Variants in PRDM2 observed in about 807,000 individuals in gnomAD.
PRDM2 encodes PR/SET domain 2.
In PRDM2, 30 loss-of-function variants were observed where a neutral mutation model predicts 130.0. That is an observed-to-expected ratio of 0.23 (90% CI 0.17 to 0.31). The LOEUF (loss-of-function observed/expected upper bound fraction) is 0.31, where lower values mean the gene tolerates loss of function less well. Among genes scored for constraint, PRDM2 ranks in the 10% least tolerant of loss-of-function variants. PRDM2 has a pLI of 1.00. For synonymous variants in PRDM2, 871 were observed against 782.4 expected (o/e 1.11, Z -1.89); for missense variants, 2,011 against 2,108.4 (o/e 0.95, Z 0.90).
At chr1:13,756,781 G>A (rs1003025761) in intron 6 of PRDM2, among the ~76,000 whole-genome samples, 2 of 152,186 alleles carry the variant, frequency 1.3e-5, no homozygotes, top group East Asian at 3.8e-4. Flanking sequence ...TGGTGACAAT[G>A]ACAGCAGTTA....
chr1:13,714,561 A>G (rs747845436), intron 1 of PRDM2, among the ~76,000 whole-genome samples: 6 of 152,202 alleles, frequency 3.9e-5, no homozygotes, highest in Non-Finnish European at 7.3e-5. Flanking sequence ...GAAAAATCCA[A>G]CTACCTTATT....
chr1:13,707,950 C>A (rs562856473), intron 1 of PRDM2, among the ~76,000 whole-genome samples: 5 of 150,974 alleles, frequency 3.3e-5, no homozygotes, highest in Admixed American at 6.6e-5. Context: ...ATTGTAGGAA[C>A]CCTAAACAAA....
At chr1:13,792,761 ATGCGCCTGGAG>A (rs796141307) in intron 8 of PRDM2, among the ~76,000 whole-genome samples, 9 of 152,326 alleles carry the variant, frequency 5.9e-5, no homozygotes, top group African/African-American at 2.2e-4. Context: ...GGAGTTGAGG[ATGCGCCTGGAG>A]TGTCACTGGC....
intron 2 of PRDM2, among the ~76,000 whole-genome samples, chr1:13,724,738 C>G (rs1294617462): frequency 1.3e-5 from 2 of 152,008 alleles, no homozygotes; most frequent in African/African-American, 4.8e-5. Context: ...CGTGATCCAC[C>G]CATCTCAACC....
chr1:13,823,898 G>A lies in PRDM2; in HGVS notation c.*763G>A, dbSNP rs1227648727. On this transcript the variant is annotated 3_prime_UTR_variant, in exon 10 of 10. Transcript: ENST00000311066. ...CTTGGGAAGGGCAGGGAATGGGGACGGTGTATGGAGGGGAGGGATCTCCTG... is the reference window on the plus strand; with the variant it reads ...CTTGGGAAGGGCAGGGAATGGGGACAGTGTATGGAGGGGAGGGATCTCCTG... 1.3e-5 allele frequency: 2 copies of A among 152,256 alleles called. No individual in the cohort carries two copies. The highest frequency in any genetic ancestry group is 4.8e-5 in the African/African-American group (2 of 41,444). 9.4% of individuals were successfully genotyped at this position (152,256 alleles called of 1,614,324 possible). A position where few individuals can be genotyped will look rare whatever the true frequency, so the allele number is the denominator to read the frequency against.
chr1:13,769,426 G>A (rs954816227), intron 6 of PRDM2, among the ~76,000 whole-genome samples: 1 of 152,222 alleles, frequency 6.6e-6, no homozygotes, highest in African/African-American at 2.4e-5. Flanking sequence ...CTGTGTATGT[G>A]TGGGCAGGAC....
At chr1:13,711,648 T>A (rs577035464) in intron 1 of PRDM2, among the ~76,000 whole-genome samples, 1 of 152,214 alleles carries the variant, frequency 6.6e-6, no homozygotes, top group Non-Finnish European at 1.5e-5. Context: ...GTTTTTGATA[T>A]AGTTGAATAA....
chr1:13,822,900 C>T (rs752782117), intron 9 of PRDM2, among the ~76,000 whole-genome samples: 10 of 152,008 alleles, frequency 6.6e-5, no homozygotes, highest in East Asian at 3.9e-4. Flanking sequence ...TTCCCGAGGG[C>T]GGGAGGGTTC....
At chr1:13,735,364 T>C (rs958396298) in intron 4 of PRDM2, among the ~76,000 whole-genome samples, 1 of 152,204 alleles carries the variant, frequency 6.6e-6, no homozygotes, top group Non-Finnish European at 1.5e-5. Flanking sequence ...CGGGACTTGG[T>C]GTTTTCGTTC....
At chr1:13,722,708 TG>T (rs1202475263) in intron 2 of PRDM2, 1 of 376,062 alleles carries the variant, frequency 2.7e-6, no homozygotes, top group Admixed American at 3.1e-5. Context: ...ATTCCCATTC[TG>T]TATTAGAATC....
rs565199951 is a variant in PRDM2, at chr1:13,812,050, G to C, written c.5037-4377G>C. 4.6e-5 allele frequency among the ~76,000 whole-genome samples: 7 copies of C among 152,322 alleles called. No homozygotes were observed. In the South Asian group the frequency reaches 1.2e-3, roughly 27 times the overall value. On this transcript the variant is annotated intron_variant, in intron 8 of 9. Coordinates refer to ENST00000311066, the MANE Select transcript of PRDM2 (RefSeq NM_001393986.1). The stretch of plus-strand genomic sequence containing the variant: ...CACAGCACTCTGTGTGGGAAGGCTT[G>C]GGCCACTTTTGCACTGGGCAGTGAT...
At chr1:13,726,348 A>G (rs2100453815) in intron 2 of PRDM2, among the ~76,000 whole-genome samples, 1 of 152,350 alleles carries the variant, frequency 6.6e-6, no homozygotes, top group Admixed American at 6.5e-5. Context: ...AAAGCAGTAG[A>G]AGGGCCCTTC....
intron 5 of PRDM2, among the ~76,000 whole-genome samples, chr1:13,747,647 G>C (rs1218332212): frequency 6.6e-6 from 1 of 151,834 alleles, no homozygotes; most frequent in East Asian, 1.9e-4. Flanking sequence ...TGTAGACAGT[G>C]AGAGTTCTGC....
chr1:13,792,986 CCT>C (rs1644865168), intron 8 of PRDM2, among the ~76,000 whole-genome samples: 1 of 152,234 alleles, frequency 6.6e-6, no homozygotes, highest in African/African-American at 2.4e-5. Context: ...TTTGAAACCA[CCT>C]AATCACTGTG....
Position 13,780,735 on chromosome 1 carries a change from A to T in PRDM2, c.2940A>T (p.Leu980Phe). 1.3e-6 allele frequency: 2 copies of T among 1,533,180 alleles called. No individual in the cohort carries two copies. Among genetic ancestry groups the T allele is most frequent in the Non-Finnish European group, 1.8e-6 (2 of 1,137,948 alleles). 95.0% of individuals were successfully genotyped at this position (1,533,180 alleles called of 1,614,324 possible). ...CCCCTCCACCCTGTCCCCCGGTATT[A>T]ACTGTTGCCACTCCGCCCCCTCCCC... ...PSSPPPCPPV[L>F]TVATPPPPLL... The change falls in exon 8 of 10, where the codon TTA (leucine) becomes TTT (phenylalanine). Residue 980 changes from leucine to phenylalanine, a missense_variant. By Grantham distance (22) the Leu-to-Phe change is conservative. Around this residue, in one of 5 missense-constraint regions of PRDM2, gnomAD observed 1,288 missense variants for 1,237.7 expected, o/e 1.04. Transcript: ENST00000311066.
intron 5 of PRDM2, 113 bp downstream of exon 5, chr1:13,742,270 G>A (rs1227953170): frequency 5.8e-6 from 7 of 1,215,832 alleles, no homozygotes; most frequent in Admixed American, 2.2e-5. Context: ...GCTCCATCAC[G>A]GCTCACTGCA....
Position 13,800,797 on chromosome 1 carries a change from TG to T in PRDM2, c.5037-15622del, listed in dbSNP as rs199871230. 3.5e-3 allele frequency among the ~76,000 whole-genome samples: 527 copies of T among 151,654 alleles called. 5 individuals carry two copies. The highest frequency in any genetic ancestry group is 9.3e-3 in the African/African-American group (385 of 41,338). On this transcript the variant is annotated intron_variant, in intron 8 of 9. Coordinates refer to ENST00000311066, the MANE Select transcript of PRDM2 (RefSeq NM_001393986.1). Reference sequence around the variant, plus strand: ...GGGCCGGCTCTCACTGAAGGAGGGTTGGGGGGGGTCTCCTCTCATAAGAGCC... The same window carrying T: ...GGGCCGGCTCTCACTGAAGGAGGGTTGGGGGGGTCTCCTCTCATAAGAGCC...
chr1:13,792,569 T>C (rs982314719), intron 8 of PRDM2, among the ~76,000 whole-genome samples: 1 of 152,236 alleles, frequency 6.6e-6, no homozygotes, highest in Non-Finnish European at 1.5e-5. Context: ...GGCTTCTATT[T>C]CCAGGCTATT....
chr1:13,780,302 G>C lies in PRDM2; in HGVS notation c.2507G>C (p.Gly836Ala). 1.2e-6 allele frequency: 2 copies of C among 1,614,166 alleles called. No homozygotes were observed. The highest frequency in any genetic ancestry group is 1.7e-6 in the Non-Finnish European group (2 of 1,180,046). The change falls in exon 8 of 10, where the codon GGT becomes GCT. Residue 836 changes from glycine (G) to alanine (A), a missense_variant. By Grantham distance (60) the Gly-to-Ala change is moderately conservative. Coordinates refer to ENST00000311066, the MANE Select transcript of PRDM2 (RefSeq NM_001393986.1). Reference sequence around the variant, plus strand: ...AGCGGTGTCAAACAGAAGGCTGAGGGTACAGGCAAGACTCCAGTCCAGTGG... The same window carrying C: ...AGCGGTGTCAAACAGAAGGCTGAGGCTACAGGCAAGACTCCAGTCCAGTGG... ...LSSGVKQKAE[G>A]TGKTPVQWES...
Sources: allele counts gnomAD v4.1 joint callset (sites outside exome capture counted in the v4.1 genomes callset), GRCh38; gene constraint gnomAD v4.1.1; regional missense constraint gnomAD v4.1.1; transcripts MANE v1.5; gene names NCBI Gene and HGNC (gene_info 2026-07-23, HGNC 2026-07-21).